AGBL1: variants seen among roughly 807,000 people sequenced by gnomAD.
AGBL1 encodes the protein AGBL carboxypeptidase 1.
A neutral mutation model predicts 118.9 loss-of-function variants in AGBL1; 130 were observed. The ratio of observed to expected loss-of-function variants is 1.09; its 90% CI spans 0.95 to 1.26. AGBL1 has a LOEUF of 1.26. AGBL1 is among the 50% of genes most tolerant of loss of function. The pLI is 0.00. For synonymous variants in AGBL1, 555 were observed against 478.9 expected (o/e 1.16, Z -2.08); for missense variants, 1,584 against 1,298.1 (o/e 1.22, Z -3.38).
chr15:86,750,707 G>C (rs2077836788), intron 22 of AGBL1, among the ~76,000 whole-genome samples: 5 of 151,900 alleles, frequency 3.3e-5, no homozygotes, highest in Admixed American at 3.3e-4. Context: ...TGTGTCATGG[G>C]CATTTGTTGT....
intron 22 of AGBL1, among the ~76,000 whole-genome samples, chr15:86,741,950 C>T (rs530855301): frequency 1.3e-5 from 2 of 151,346 alleles, no homozygotes; most frequent in Admixed American, 6.6e-5. Flanking sequence ...AGATCTAGGT[C>T]CATATTAATT....
At chr15:86,628,700 G>T (rs1407262047) in intron 21 of AGBL1, among the ~76,000 whole-genome samples, 1 of 152,066 alleles carries the variant, frequency 6.6e-6, no homozygotes, top group Non-Finnish European at 1.5e-5. Flanking sequence ...GGAGGCTGAG[G>T]CAGGAGAATG....
At chr15:86,834,212 C>A (rs1254989998) in intron 22 of AGBL1, among the ~76,000 whole-genome samples, 1 of 152,114 alleles carries the variant, frequency 6.6e-6, no homozygotes, top group East Asian at 1.9e-4. Flanking sequence ...GTGTTTGCAG[C>A]AACCACGGTA....
chr15:86,190,314 T>C (rs1435802136), intron 5 of AGBL1, among the ~76,000 whole-genome samples: 1 of 152,122 alleles, frequency 6.6e-6, no homozygotes, highest in Non-Finnish European at 1.5e-5. Context: ...CATATATTTG[T>C]TTATACCTAC....
At chr15:86,826,198 C>G (rs1322676379) in intron 22 of AGBL1, among the ~76,000 whole-genome samples, 1 of 152,198 alleles carries the variant, frequency 6.6e-6, no homozygotes, top group Non-Finnish European at 1.5e-5. Flanking sequence ...CATCAAATCC[C>G]TATATTAAGG....
At chr15:86,747,414 G>A (rs931645387) in intron 22 of AGBL1, among the ~76,000 whole-genome samples, 1 of 152,018 alleles carries the variant, frequency 6.6e-6, no homozygotes, top group African/African-American at 2.4e-5. Flanking sequence ...ATACAAAATT[G>A]CAAAATGTCT....
At chr15:86,095,582 G>T (rs912925955) in intron 1 of AGBL1, among the ~76,000 whole-genome samples, 1 of 150,744 alleles carries the variant, frequency 6.6e-6, no homozygotes, top group African/African-American at 2.4e-5. Flanking sequence ...TCCGTGCCAG[G>T]AACTGGGGAT....
intron 5 of AGBL1, among the ~76,000 whole-genome samples, chr15:86,188,334 T>C (rs2077664997): frequency 6.6e-6 from 1 of 152,094 alleles, no homozygotes; most frequent in African/African-American, 2.4e-5. Flanking sequence ...CCCCAGCTCT[T>C]AGATGTGAAA....
chr15:86,886,519 G>A (rs554680641), intron 22 of AGBL1, among the ~76,000 whole-genome samples: 1 of 152,096 alleles, frequency 6.6e-6, no homozygotes, highest in Non-Finnish European at 1.5e-5. Context: ...ATTAGCATTT[G>A]TTTTGGGCAT....
intron 18 of AGBL1, among the ~76,000 whole-genome samples, chr15:86,471,309 A>G (rs572689105): frequency 1.1e-4 from 17 of 152,152 alleles, no homozygotes; most frequent in African/African-American, 4.1e-4. Context: ...CAGTCATATG[A>G]TTTTCATCCT....
chr15:86,675,547 C>T (rs1167358347), intron 22 of AGBL1, among the ~76,000 whole-genome samples: 6 of 152,194 alleles, frequency 3.9e-5, no homozygotes, highest in Admixed American at 6.5e-5. Context: ...ATAGAGCTGC[C>T]GTTGCTGATT....
At chr15:86,455,211 G>C (rs1281099363) in intron 18 of AGBL1, among the ~76,000 whole-genome samples, 1 of 152,142 alleles carries the variant, frequency 6.6e-6, no homozygotes, top group Non-Finnish European at 1.5e-5. Flanking sequence ...AGTATGTCTG[G>C]TTCTTAGCAC....
chr15:86,080,121 C>T, intron 1 of AGBL1, 98 bp downstream of exon 1: 1 of 972,370 alleles, frequency 1.0e-6, no homozygotes, highest in Non-Finnish European at 1.3e-6. Context: ...CTGGCAGTCA[C>T]TGGCCCAGTT....
At chr15:86,818,155 G>T (rs1260621996) in intron 22 of AGBL1, among the ~76,000 whole-genome samples, 1 of 152,136 alleles carries the variant, frequency 6.6e-6, no homozygotes, top group African/African-American at 2.4e-5. Context: ...GTTGGGAGAT[G>T]GTATGGGTTG....
intron 21 of AGBL1, among the ~76,000 whole-genome samples, chr15:86,672,147 G>C (rs1385388442): frequency 6.6e-6 from 1 of 151,352 alleles, no homozygotes; most frequent in Non-Finnish European, 1.5e-5. Flanking sequence ...GAGTAGTAAA[G>C]AGAGATTAAT....
Position 86,613,108 on chromosome 15 carries a change from C to T in AGBL1, c.2994+58571C>T, listed in dbSNP as rs2084679464. Among the ~76,000 whole-genome samples the T allele has an allele frequency of 6.6e-6, 1 of 152,192 alleles. No individual in the cohort carries two copies. The highest frequency in any genetic ancestry group is 2.1e-4 in the South Asian group (1 of 4,826). ...TTTGGGCACATGTTCTCAGGACCAC[C>T]TGAGGCTGTGTTACAGGCCATGGTT... On this transcript the variant is annotated intron_variant, in intron 21 of 22. Transcript: ENST00000614907. The surrounding 1 kb of genome is among the most constrained non-coding windows in gnomAD (Gnocchi z 4.2).
Position 86,347,512 on chromosome 15 carries a change from T to C in AGBL1, c.2375-49854T>C, listed in dbSNP as rs573579711. On this transcript the variant is annotated intron_variant, in intron 17 of 22. Transcript: ENST00000614907. ...GCCTATTTTATGCAAGCATTTCAAATGTCGCAAGAAATGAACTTTTTCTAG... is the reference window on the plus strand; with the variant it reads ...GCCTATTTTATGCAAGCATTTCAAACGTCGCAAGAAATGAACTTTTTCTAG... Among the ~76,000 whole-genome samples, 3 of 152,368 alleles carry C rather than the reference T, an allele frequency of 2.0e-5. No individual in the cohort carries two copies. In the East Asian group the frequency reaches 5.8e-4, roughly 29 times the overall value.
At chr15:86,412,187 A>G (rs535991964) in intron 18 of AGBL1, among the ~76,000 whole-genome samples, 1 of 152,236 alleles carries the variant, frequency 6.6e-6, no homozygotes, top group African/African-American at 2.4e-5. Context: ...CTATACAGAC[A>G]TGCATTCACC....
At chr15:86,543,652 G>C (rs2083535439) in intron 19 of AGBL1, among the ~76,000 whole-genome samples, 1 of 152,150 alleles carries the variant, frequency 6.6e-6, no homozygotes, top group Non-Finnish European at 1.5e-5. Context: ...TACCTCACAA[G>C]GAAAGAGTAA....
Sources: allele counts gnomAD v4.1 joint callset (sites outside exome capture counted in the v4.1 genomes callset), GRCh38; gene constraint gnomAD v4.1.1; non-coding constraint Gnocchi (gnomAD v3.1); transcripts MANE v1.5; gene names NCBI Gene and HGNC (gene_info 2026-07-23, HGNC 2026-07-21).